KCNAB1: variants seen among roughly 807,000 people sequenced by gnomAD.
KCNAB1 encodes the protein potassium voltage-gated channel subfamily A regulatory beta subunit 1, also known as voltage-gated potassium channel subunit beta-1.
KCNAB1 carries 35 observed loss-of-function variants against 64.6 expected under a neutral mutation model. That is an observed-to-expected ratio of 0.54 (90% confidence interval 0.41 to 0.72). The LOEUF (loss-of-function observed/expected upper bound fraction) is 0.72. Among genes scored for constraint, KCNAB1 ranks in the 30% least tolerant of loss-of-function variants. KCNAB1 has a pLI of 0.00. For missense variants in KCNAB1, 401 were observed against 512.9 expected (o/e 0.78, Z 2.11); for synonymous variants, 177 against 183.8 (o/e 0.96, Z 0.30).
intron 1 of KCNAB1, among the ~76,000 whole-genome samples, chr3:156,327,764 C>G (rs977744106): frequency 1.3e-5 from 2 of 152,058 alleles, no homozygotes; most frequent in African/African-American, 4.8e-5. Context: ...ATGGAGAAGA[C>G]AAAGATTAAA....
intron 9 of KCNAB1, 44 bp from the exon 10 acceptor site, chr3:156,515,056 T>C (rs776150287): frequency 4.5e-6 from 7 of 1,546,878 alleles, no homozygotes; most frequent in Non-Finnish European, 6.1e-6. Context: ...CGAAGCCTTA[T>C]TTCTCATCAG....
At chr3:156,453,400 A>G (rs1712153092) in intron 3 of KCNAB1, 1 of 153,056 alleles carries the variant, frequency 6.5e-6, no homozygotes, top group African/African-American at 2.4e-5. Context: ...GACTTAATCT[A>G]ACCTCTCTGA....
At chr3:156,427,721 C>T (rs1018379761) in intron 2 of KCNAB1, among the ~76,000 whole-genome samples, 3 of 151,960 alleles carry the variant, frequency 2.0e-5, no homozygotes, top group Admixed American at 1.3e-4. Flanking sequence ...AGAGAGAGGC[C>T]CAGCATCAGG....
chr3:156,271,237 T>G (rs1719019412), intron 1 of KCNAB1, among the ~76,000 whole-genome samples: 1 of 152,220 alleles, frequency 6.6e-6, no homozygotes, highest in Admixed American at 6.5e-5. Flanking sequence ...TCTCTAGGAT[T>G]GGGAAGTTAT....
At chr3:156,192,766 G>A (rs1021331081) in intron 1 of KCNAB1, among the ~76,000 whole-genome samples, 5 of 151,986 alleles carry the variant, frequency 3.3e-5, no homozygotes, top group African/African-American at 1.2e-4. Context: ...AATATTATTT[G>A]CTTTGAAGTA....
chr3:156,420,338 C>T (rs534002449), intron 1 of KCNAB1, among the ~76,000 whole-genome samples: 9 of 152,326 alleles, frequency 5.9e-5, no homozygotes, highest in South Asian at 2.1e-4. Flanking sequence ...GTTGTGACAA[C>T]GGGTCAAAAG....
intron 1 of KCNAB1, among the ~76,000 whole-genome samples, chr3:156,402,483 A>G (rs1306572360): frequency 6.6e-6 from 1 of 152,220 alleles, no homozygotes; most frequent in East Asian, 1.9e-4. Context: ...TAGGTTCTCA[A>G]TAACTGAATC....
intron 5 of KCNAB1, among the ~76,000 whole-genome samples, chr3:156,462,323 T>G (rs774270248): frequency 3.7e-4 from 57 of 152,346 alleles, no homozygotes; most frequent in Non-Finnish European, 7.1e-4. Context: ...GTATAGAATA[T>G]GCAGCTTTGA....
chr3:156,397,605 A>G (rs1713557060), intron 1 of KCNAB1, among the ~76,000 whole-genome samples: 1 of 152,004 alleles, frequency 6.6e-6, no homozygotes, highest in African/African-American at 2.4e-5. Context: ...GAAGATGCAT[A>G]TGTTTCCTTC....
At chr3:156,150,753 A>C (rs1383634933) in intron 1 of KCNAB1, among the ~76,000 whole-genome samples, 1 of 152,192 alleles carries the variant, frequency 6.6e-6, no homozygotes, top group African/African-American at 2.4e-5. Flanking sequence ...CCTAGACTCG[A>C]ACTTAAATTT....
At chr3:156,524,294 G>T (rs1443299425) in intron 12 of KCNAB1, 4 of 177,338 alleles carry the variant, frequency 2.3e-5, no homozygotes, top group Non-Finnish European at 4.7e-5. Flanking sequence ...CAGGGTTGGT[G>T]AGAAGATGAG....
At chr3:156,487,096 A>C (rs9826597) in intron 8 of KCNAB1, among the ~76,000 whole-genome samples, 22,680 of 152,166 alleles carry the variant, frequency 0.15, 4,080 homozygotes, top group African/African-American at 0.43. Context: ...ATGCCAAAAA[A>C]ATTTAACTCT....
intron 1 of KCNAB1, among the ~76,000 whole-genome samples, chr3:156,293,656 C>T (rs1324119363): frequency 3.3e-5 from 5 of 152,216 alleles, no homozygotes; most frequent in Admixed American, 2.6e-4. Context: ...ATGTAAGCAG[C>T]CTGACTTAGG....
At chr3:156,322,258 G>T (rs2108027511) in intron 1 of KCNAB1, among the ~76,000 whole-genome samples, 1 of 152,302 alleles carries the variant, frequency 6.6e-6, no homozygotes, top group South Asian at 2.1e-4. Flanking sequence ...TCTGCCCCCA[G>T]TGTGTTTTAT....
chr3:156,322,189 C>T (rs1250581417), intron 1 of KCNAB1, among the ~76,000 whole-genome samples: 1 of 152,222 alleles, frequency 6.6e-6, no homozygotes, highest in South Asian at 2.1e-4. Context: ...CGTCCCAGAA[C>T]AGTTCTTAGA....
intron 1 of KCNAB1, among the ~76,000 whole-genome samples, chr3:156,313,078 A>C (rs188396967): frequency 6.6e-6 from 1 of 152,200 alleles, no homozygotes; most frequent in Non-Finnish European, 1.5e-5. Flanking sequence ...CGATGGTCTT[A>C]TACTTCCACA....
At chr3:156,230,970 A>C (rs1179281853) in intron 1 of KCNAB1, among the ~76,000 whole-genome samples, 1 of 152,168 alleles carries the variant, frequency 6.6e-6, no homozygotes, top group Non-Finnish European at 1.5e-5. Flanking sequence ...TCTTCTGGAG[A>C]AAACTGCCTT....
intron 1 of KCNAB1, among the ~76,000 whole-genome samples, chr3:156,281,556 G>T (rs182054118): frequency 6.6e-6 from 1 of 152,176 alleles, no homozygotes; most frequent in African/African-American, 2.4e-5. Context: ...ATTCCTCCTT[G>T]TATCTCTGGT....
intron 1 of KCNAB1, among the ~76,000 whole-genome samples, chr3:156,272,062 G>T (rs1719068510): frequency 2.0e-5 from 3 of 152,230 alleles, no homozygotes; most frequent in African/African-American, 7.2e-5. Flanking sequence ...TACAGAGTCT[G>T]TCTCTCTCTG....
Sources: gnomAD v4.1 joint callset for allele counts (sites outside exome capture counted in the v4.1 genomes callset) on GRCh38, gnomAD v4.1.1 for gene constraint, MANE v1.5 for transcripts, NCBI Gene and HGNC (gene_info 2026-07-23, HGNC 2026-07-21) for gene names.